CSMD1: variants seen among roughly 807,000 people sequenced by gnomAD.
CSMD1 encodes the protein CUB and Sushi multiple domains 1, also known as CUB and sushi domain-containing protein 1.
CSMD1 carries 213 observed loss-of-function variants against 417.5 expected under a neutral mutation model. The observed-to-expected ratio is 0.51, with a 90% CI of 0.46 to 0.57. The LOEUF (loss-of-function observed/expected upper bound fraction) is 0.57. Ranked by LOEUF, CSMD1 falls within the 20% of genes least tolerant of loss-of-function variation. The pLI is 0.00. For synonymous variants in CSMD1, 2,862 were observed against 1,736.8 expected (o/e 1.65, Z -16.11); for missense variants, 6,923 against 4,529.7 (o/e 1.53, Z -15.17).
chr8:4,802,974 G>A (rs1445181927), intron 1 of CSMD1, among the ~76,000 whole-genome samples: 14 of 152,130 alleles, frequency 9.2e-5, no homozygotes, highest in Admixed American at 9.2e-4. Context: ...TATATTTTCA[G>A]AATCTTTATG....
In CSMD1 at chr8:4,143,081, G is replaced by A. The variant is rs1424264920; in HGVS notation, c.416-110982C>T. Among the ~76,000 whole-genome samples, 3 of 150,588 alleles carry A rather than the reference G, an allele frequency of 2.0e-5. 1 individual carries two copies. The highest frequency in any genetic ancestry group is 7.5e-5 in the African/African-American group (3 of 40,108). ...ATGAACACAATGAAGCAAGTTTAGT[G>A]ACATGATATCTTCATCTATTAACTT... On this transcript the variant is annotated intron_variant, in intron 3 of 69. Transcript: ENST00000635120.
chr8:4,382,382 G>A (rs757734231), intron 3 of CSMD1, among the ~76,000 whole-genome samples: 5 of 152,270 alleles, frequency 3.3e-5, no homozygotes, highest in East Asian at 1.9e-4. Context: ...AGATAATTCC[G>A]GAGAGGAGCG....
intron 46 of CSMD1, among the ~76,000 whole-genome samples, chr8:3,098,671 C>G (rs148501675): frequency 6.6e-6 from 1 of 152,108 alleles, no homozygotes; most frequent in African/African-American, 2.4e-5. Flanking sequence ...ATACACGATG[C>G]CCATTCAAAG....
intron 3 of CSMD1, among the ~76,000 whole-genome samples, chr8:4,303,055 A>T (rs1361177460): frequency 6.6e-6 from 1 of 152,148 alleles, no homozygotes; most frequent in African/African-American, 2.4e-5. Context: ...ACATACAAGG[A>T]AGTAGGTATA....
rs75719636 is a variant in CSMD1, at chr8:3,158,479, G to A, written c.5845-513C>T. Among the ~76,000 whole-genome samples the A allele has an allele frequency of 4.4e-3, 677 of 152,182 alleles. 15 individuals are homozygous for A. The South Asian group carries it at 0.048, about 11-fold the overall frequency. Reference sequence around the variant, plus strand: ...AGCACTGGGTCGTTTCTTTATCACAGAACGGAGACTTCACATTCATTTTCT... The same window carrying A: ...AGCACTGGGTCGTTTCTTTATCACAAAACGGAGACTTCACATTCATTTTCT... On this transcript the variant is annotated intron_variant, in intron 38 of 69. Transcript: ENST00000635120.
intron 14 of CSMD1, among the ~76,000 whole-genome samples, chr8:3,407,483 G>T (rs551970235): frequency 6.6e-6 from 1 of 152,036 alleles, no homozygotes; most frequent in Admixed American, 6.5e-5. Context: ...ATAGATGCAT[G>T]GATGGATGAA....
chr8:4,492,273 C>A (rs1801743482), intron 2 of CSMD1, among the ~76,000 whole-genome samples: 2 of 152,144 alleles, frequency 1.3e-5, no homozygotes, highest in Admixed American at 1.3e-4. Flanking sequence ...AATGTTTTGT[C>A]TACACGGGAT....
At position 3,372,396 on chromosome 8, in the gene CSMD1, C is replaced by G. The variant is rs371527475; in HGVS notation, c.2783-3026G>C. On this transcript the variant is annotated intron_variant, in intron 18 of 69. Coordinates refer to ENST00000635120, the MANE Select transcript of CSMD1 (RefSeq NM_033225.6). ...GGATGGCCCTGCCTAGAAAACGACA[C>G]GATCTCATGACCTACCTGGGGTTTA... Among the ~76,000 whole-genome samples the G allele has an allele frequency of 3.3e-5, 5 of 152,190 alleles. No homozygotes were observed. The South Asian group carries it at 8.3e-4, about 25-fold the overall frequency.
intron 3 of CSMD1, among the ~76,000 whole-genome samples, chr8:4,282,639 C>T (rs947637842): frequency 3.3e-5 from 5 of 152,068 alleles, no homozygotes; most frequent in African/African-American, 1.2e-4. Flanking sequence ...TATGCATTCA[C>T]CTTTTCAGTT....
chr8:2,965,385 C>G (rs1666505362), intron 59 of CSMD1, among the ~76,000 whole-genome samples: 1 of 152,146 alleles, frequency 6.6e-6, no homozygotes, highest in Non-Finnish European at 1.5e-5. Context: ...ATTGGCTCGT[C>G]TCTCCAACCT....
chr8:3,887,095 G>A (rs1217908254), intron 5 of CSMD1, among the ~76,000 whole-genome samples: 1 of 152,158 alleles, frequency 6.6e-6, no homozygotes, highest in Non-Finnish European at 1.5e-5. Flanking sequence ...GCTGAGCTCT[G>A]AAAAGTAGAG....
chr8:4,537,400 T>C (rs796775027), intron 2 of CSMD1, among the ~76,000 whole-genome samples: 8 of 152,292 alleles, frequency 5.3e-5, no homozygotes, highest in African/African-American at 1.9e-4. Context: ...ATATTGCATA[T>C]AGCTTTTCTG....
intron 54 of CSMD1, among the ~76,000 whole-genome samples, chr8:2,981,060 T>A (rs1805371426): frequency 6.6e-6 from 1 of 152,204 alleles, no homozygotes; most frequent in Admixed American, 6.5e-5. Context: ...TGTTCCTTCC[T>A]ATTTAATTCT....
rs996829440 is a variant in CSMD1 at position 4,830,633 on chromosome 8, G to C, written c.85+163699C>G. 2.0e-5 allele frequency among the ~76,000 whole-genome samples: 3 copies of C among 152,324 alleles called. No individual in the cohort carries two copies. The East Asian group carries it at 5.8e-4, about 29-fold the overall frequency. On this transcript the variant is annotated intron_variant, in intron 1 of 69. Coordinates refer to ENST00000635120, the MANE Select transcript of CSMD1 (RefSeq NM_033225.6). ...AACAAACTATGACTTGATCGTGGTA[G>C]TTTTTTATTGCTAAGAGGTCACAGA...
chr8:3,555,538 G>A (rs948095778), intron 10 of CSMD1, among the ~76,000 whole-genome samples: 1 of 152,094 alleles, frequency 6.6e-6, no homozygotes, highest in Non-Finnish European at 1.5e-5. Flanking sequence ...TCCACAGCTG[G>A]GTGAACTTAA....
chr8:3,666,027 G>A (rs893557670), intron 7 of CSMD1, among the ~76,000 whole-genome samples: 2 of 152,070 alleles, frequency 1.3e-5, no homozygotes, highest in Admixed American at 1.3e-4. Context: ...CACGGAGTAG[G>A]TGGGATTACA....
chr8:4,152,658 G>A (rs952159241), intron 3 of CSMD1, among the ~76,000 whole-genome samples: 12 of 151,590 alleles, frequency 7.9e-5, no homozygotes, highest in African/African-American at 1.7e-4. Flanking sequence ...CCAGCGCACC[G>A]CAACCCAAGC....
intron 5 of CSMD1, among the ~76,000 whole-genome samples, chr8:3,977,128 T>C (rs1813495185): frequency 6.6e-6 from 1 of 152,210 alleles, no homozygotes; most frequent in South Asian, 2.1e-4. Context: ...AATCCTCAGA[T>C]GAAACTTTCA....
chr8:3,671,560 CATATATATATATAT>C (rs752837903), intron 7 of CSMD1, among the ~76,000 whole-genome samples: 1 of 6,534 alleles, frequency 1.5e-4, no homozygotes, highest in Non-Finnish European at 3.4e-4. Context: ...TATATATGAT[CATATATATATATAT>C]ATATATATAT....
Sources: gnomAD v4.1 joint callset for allele counts (sites outside exome capture counted in the v4.1 genomes callset) on GRCh38, gnomAD v4.1.1 for gene constraint, MANE v1.5 for transcripts, NCBI Gene and HGNC (gene_info 2026-07-23, HGNC 2026-07-21) for gene names.